Variants in DSCAM observed in about 807,000 individuals in gnomAD.
DSCAM encodes the protein cell adhesion molecule DSCAM.
In DSCAM, 47 loss-of-function variants were observed where a neutral mutation model predicts 217.7. The observed-to-expected ratio is 0.22, with a 90% CI of 0.17 to 0.28. The LOEUF is 0.28. Ranked by LOEUF, DSCAM falls within the 10% of genes least tolerant of loss-of-function variation. The probability of loss-of-function intolerance (pLI) is 1.00; values close to 1 mark genes in which losing one functional copy is unlikely to be tolerated. For synonymous variants in DSCAM, 1,056 were observed against 1,015.3 expected (o/e 1.04, Z -0.76); for missense variants, 2,080 against 2,618.3 (o/e 0.79, Z 4.49).
intron 11 of DSCAM, among the ~76,000 whole-genome samples, chr21:40,256,025 T>A (rs1569026259): frequency 6.6e-6 from 1 of 152,216 alleles, no homozygotes; most frequent in African/African-American, 2.4e-5. Context: ...GTATTTTCCT[T>A]AAGTCACTAA....
intron 3 of DSCAM, among the ~76,000 whole-genome samples, chr21:40,641,856 T>C (rs2089883822): frequency 6.6e-6 from 1 of 152,174 alleles, no homozygotes; most frequent in Non-Finnish European, 1.5e-5. Flanking sequence ...GAGACCACCC[T>C]GGCCAACATG....
Position 40,432,431 on chromosome 21 carries a change from CCT to C in DSCAM, c.509-63188_509-63187del, listed in dbSNP as rs1467562298. Among the ~76,000 whole-genome samples the C allele has an allele frequency of 3.3e-5, 5 of 152,068 alleles. 1 individual carries two copies. The South Asian group carries it at 1.0e-3, about 32-fold the overall frequency. On this transcript the variant is annotated intron_variant, in intron 3 of 32. Coordinates refer to ENST00000400454, the MANE Select transcript of DSCAM (RefSeq NM_001389.5). ...ACCACCTCCCACTTCGGCCCTCCAG[CCT>C]CTGTCTTATGAGGACCCTTGGGGTT...
chr21:40,399,910 C>T (rs1431313920), intron 3 of DSCAM, among the ~76,000 whole-genome samples: 2 of 152,110 alleles, frequency 1.3e-5, no homozygotes, highest in Non-Finnish European at 2.9e-5. Context: ...AATGTTGCTG[C>T]TTTTTTCTCC....
chr21:40,674,967 C>T (rs2090321096), intron 3 of DSCAM, among the ~76,000 whole-genome samples: 1 of 152,002 alleles, frequency 6.6e-6, no homozygotes, highest in Non-Finnish European at 1.5e-5. Context: ...ATATTTGTTA[C>T]TAAGAGTAAA....
chr21:40,339,165 G>A lies in DSCAM; in HGVS notation c.1461C>T (p.Asn487=), dbSNP rs2074460965. The change falls in exon 7 of 33, where the codon AAC becomes AAT. Residue 487 remains asparagine (N), a synonymous_variant. Transcript: ENST00000400454. Reference sequence around the variant, plus strand: ...GGTACAGGACGACTCCCGCCGAGTTGTTGGCAGTGCAGCGGTAGACTCCCC... The same window carrying A: ...GGTACAGGACGACTCCCGCCGAGTTATTGGCAGTGCAGCGGTAGACTCCCC... The part of the protein sequence containing the change: ...RDGGVYRCTA[N]NSAGVVLYQA... 6.2e-7 allele frequency: 1 copy of A among 1,614,178 alleles called. No homozygotes were observed. Among genetic ancestry groups the A allele is most frequent in the Non-Finnish European group, 8.5e-7 (1 of 1,180,024 alleles).
At chr21:40,233,129 G>A (rs1293166697) in intron 11 of DSCAM, among the ~76,000 whole-genome samples, 1 of 151,868 alleles carries the variant, frequency 6.6e-6, no homozygotes. Context: ...CCCCCGTGAC[G>A]ACAGTTTACC....
intron 3 of DSCAM, among the ~76,000 whole-genome samples, chr21:40,677,192 A>C (rs1326280814): frequency 6.9e-6 from 1 of 145,308 alleles, no homozygotes; most frequent in Non-Finnish European, 1.5e-5. Context: ...ATACTGGTAC[A>C]ATGCAATGGG....
rs1417517389 is a variant in DSCAM, at chr21:40,377,100, T to C, written c.509-7855A>G. The stretch of plus-strand genomic sequence containing the variant: ...ACATGGATATTAACATGAATCCTAA[T>C]CAGAGCCAACAGGTTCTAGGTGGAG... On this transcript the variant is annotated intron_variant, in intron 3 of 32. Coordinates refer to ENST00000400454, the MANE Select transcript of DSCAM (RefSeq NM_001389.5). Among the ~76,000 whole-genome samples, 3 of 152,134 alleles carry C rather than the reference T, an allele frequency of 2.0e-5. No homozygotes were observed. In the East Asian group the frequency reaches 5.8e-4, roughly 29 times the overall value.
At position 40,080,227 on chromosome 21, in the gene DSCAM, A is replaced by C. The variant is rs1260420520; in HGVS notation, c.4345T>G (p.Phe1449Val). Residue 1449 changes from phenylalanine to valine, a missense_variant, in exon 25 of 33, where the codon TTC becomes GTC. Transcript: ENST00000400454. ...ENLKCGTWYK[F>V]TLTAQNGVGP... ...ACTCCATTTTGGGCTGTCAGTGTGA[A>C]CTTATACCAAGTCCCACATTTGAGA... The C allele has an allele frequency of 1.2e-6, 2 of 1,613,388 alleles. No individual in the cohort carries two copies. The highest frequency in any genetic ancestry group is 4.5e-5 in the East Asian group (2 of 44,828).
chr21:40,679,397 C>T (rs2090375426), intron 3 of DSCAM, among the ~76,000 whole-genome samples: 1 of 152,178 alleles, frequency 6.6e-6, no homozygotes, highest in Admixed American at 6.5e-5. Flanking sequence ...GGCAAAATCT[C>T]TATCTTCTAG....
At chr21:40,625,631 C>A (rs959538241) in intron 3 of DSCAM, among the ~76,000 whole-genome samples, 3 of 152,142 alleles carry the variant, frequency 2.0e-5, no homozygotes, top group Admixed American at 6.5e-5. Flanking sequence ...CTGGAAAGCC[C>A]CCACCCTGTG....
intron 11 of DSCAM, among the ~76,000 whole-genome samples, chr21:40,198,635 T>C (rs1435005491): frequency 6.6e-6 from 1 of 152,148 alleles, no homozygotes; most frequent in African/African-American, 2.4e-5. Context: ...TCCACATACT[T>C]ACCCAGATCC....
At chr21:40,356,891 A>G (rs1353624955) in intron 4 of DSCAM, among the ~76,000 whole-genome samples, 1 of 152,230 alleles carries the variant, frequency 6.6e-6, no homozygotes, top group Non-Finnish European at 1.5e-5. Context: ...ACTGTTGAAA[A>G]TAGAACAAAA....
chr21:40,375,837 C>CT (rs2074944839), intron 3 of DSCAM, among the ~76,000 whole-genome samples: 2 of 152,024 alleles, frequency 1.3e-5, no homozygotes, highest in South Asian at 2.1e-4. Context: ...GCTAAAGTAC[C>CT]TTTTTTTAGA....
At chr21:40,550,895 G>C (rs977291168) in intron 3 of DSCAM, among the ~76,000 whole-genome samples, 1 of 152,198 alleles carries the variant, frequency 6.6e-6, no homozygotes, top group African/African-American at 2.4e-5. Flanking sequence ...AGCTCAGTTT[G>C]AATAGTTGGA....
chr21:40,433,825 T>C (rs565477416), intron 3 of DSCAM, among the ~76,000 whole-genome samples: 6 of 152,240 alleles, frequency 3.9e-5, no homozygotes, highest in African/African-American at 1.4e-4. Flanking sequence ...GGTGATGACA[T>C]CATCTGAGGT....
intron 10 of DSCAM, among the ~76,000 whole-genome samples, chr21:40,293,459 C>G (rs565919133): frequency 6.6e-6 from 1 of 152,178 alleles, no homozygotes; most frequent in Non-Finnish European, 1.5e-5. Context: ...AGCCAACAAA[C>G]TAGTCCTGAG....
At chr21:40,516,217 T>C (rs1384463717) in intron 3 of DSCAM, among the ~76,000 whole-genome samples, 1 of 152,198 alleles carries the variant, frequency 6.6e-6, no homozygotes, top group Non-Finnish European at 1.5e-5. Flanking sequence ...TGCTTGGTTT[T>C]ATCACTACTT....
chr21:40,028,594 T>G lies in DSCAM; in HGVS notation c.5686+13777A>C, dbSNP rs566168819. Among the ~76,000 whole-genome samples, 465 of 152,288 alleles carry G rather than the reference T, an allele frequency of 3.1e-3. 4 individuals are homozygous for G. Among genetic ancestry groups the G allele is most frequent in the African/African-American group, 0.011 (454 of 41,572 alleles). On this transcript the variant is annotated intron_variant, in intron 32 of 32. Transcript: ENST00000400454. The stretch of plus-strand genomic sequence containing the variant: ...CCGTCAGAAAAGCACAGTATTCGGG[T>G]GGGAGTGACCCGATTTTCCAGGTGC...
Sources: allele counts gnomAD v4.1 joint callset (sites outside exome capture counted in the v4.1 genomes callset), GRCh38; gene constraint gnomAD v4.1.1; transcripts MANE v1.5; gene names NCBI Gene and HGNC (gene_info 2026-07-23, HGNC 2026-07-21).